The following USP35 variants were observed in gnomAD, a reference collection of about 807,000 sequenced individuals.
The protein encoded by USP35 is ubiquitin carboxyl-terminal hydrolase 35.
In USP35, 69 loss-of-function variants were observed where a neutral mutation model predicts 83.8. The observed-to-expected ratio is 0.82, with a 90% CI of 0.68 to 1.01. The LOEUF (loss-of-function observed/expected upper bound fraction) is 1.01, where lower values mean the gene tolerates loss of function less well. Ranked by LOEUF, USP35 falls within the 50% of genes least tolerant of loss-of-function variation. The pLI is 0.00. For missense variants in USP35, 1,503 were observed against 1,362.5 expected, an observed-to-expected ratio of 1.10 and a Z score of -1.62; for synonymous variants, 714 against 589.5, an observed-to-expected ratio of 1.21 and a Z score of -3.06.
chr11:78,220,506 A>G, the USP35 span: 7 of 1,447,772 alleles, frequency 4.8e-6, no homozygotes, highest in Non-Finnish European at 6.6e-6. Context: ...ACCACCCAGA[A>G]AAACACCTCT....
At chr11:78,207,359 T>G in intron 7 of USP35, 171 bp from the exon 8 acceptor site, 2 of 624,864 alleles carry the variant, frequency 3.2e-6, no homozygotes, top group Non-Finnish European at 5.7e-6. Flanking sequence ...TACCCCAGGC[T>G]GAGTTGTTCA....
At chr11:78,219,145 CTT>C, downstream of USP35, 2 of 902,196 alleles carry the variant, frequency 2.2e-6, no homozygotes, top group South Asian at 3.2e-5. Flanking sequence ...ATGTCAAGTG[CTT>C]TGAAGGCTGA....
chr11:78,215,779 G>A (rs1007558740), downstream of USP35: 9 of 152,278 alleles, frequency 5.9e-5, no homozygotes, highest in Admixed American at 3.9e-4. Flanking sequence ...ACCCCCCACG[G>A]AAGGGCTTTA....
chr11:78,222,431 T>G, the USP35 span, among the ~76,000 whole-genome samples: 1 of 151,790 alleles, frequency 6.6e-6, no homozygotes, highest in Non-Finnish European at 1.5e-5. Context: ...GTAATTATAT[T>G]TTCAGAATCA....
At chr11:78,216,592 G>A (rs1864158642), downstream of USP35, 1 of 149,386 alleles carries the variant, frequency 6.7e-6, no homozygotes, top group Non-Finnish European at 1.5e-5. Flanking sequence ...TAGGGGGCTG[G>A]AAGGAAGCCT....
In USP35 at chr11:78,199,718, T is replaced by A. The variant is rs764308493; in HGVS notation, c.930T>A (p.Ile310=). ...TGATCGAGGTTTCGCTCACCAAAAT[T>A]GAGAAGGTTGGTGCCCCTGTCCTAG... ...SILIEVSLTK[I]EKVFSKLLYP... The change falls in exon 4 of 11, where the codon ATT becomes ATA. Residue 310 remains isoleucine, a synonymous_variant. Transcript: ENST00000529308. The A allele has an allele frequency of 3.7e-6, 6 of 1,614,060 alleles. No individual in the cohort carries two copies. In the Admixed American group the frequency reaches 1.0e-4, roughly 27 times the overall value.
At chr11:78,212,845 T>C (rs1453462891) in intron 10 of USP35, among the ~76,000 whole-genome samples, 1 of 151,988 alleles carries the variant, frequency 6.6e-6, no homozygotes, top group Admixed American at 6.6e-5. Flanking sequence ...ATTAATGCAG[T>C]TAATAAGTGT....
rs1324012272 is a variant in USP35 at position 78,214,352 on chromosome 11, C to CCTTA, written c.*541_*544dup. 2 of 129,488 alleles carry CCTTA rather than the reference C, an allele frequency of 1.5e-5. No individual in the cohort carries two copies. The highest frequency in any genetic ancestry group is 3.1e-5 in the Non-Finnish European group (2 of 64,890). 8.0% of individuals were successfully genotyped at this position (129,488 alleles called of 1,614,324 possible). A position where few individuals can be genotyped will look rare whatever the true frequency, so the allele number is the denominator to read the frequency against. On this transcript the variant is annotated 3_prime_UTR_variant, in exon 11 of 11. Transcript: ENST00000529308. ...GAAGAACAGAGACCGAGACCTGCCC[C>CCTTA]CTTACCAAGCGCCACTGCATGGTTT...
At chr11:78,202,852 G>A (rs1245002200) in intron 6 of USP35, among the ~76,000 whole-genome samples, 2 of 152,192 alleles carry the variant, frequency 1.3e-5, no homozygotes, top group East Asian at 1.9e-4. Flanking sequence ...GGCTGGGTCT[G>A]TCTGTTTCCT....
Position 78,196,200 on chromosome 11 carries a change from T to G in USP35, c.-10-36T>G. The G allele has an allele frequency of 6.5e-7, 1 of 1,545,286 alleles. No homozygotes were observed. The highest frequency in any genetic ancestry group is 1.4e-5 in the African/African-American group (1 of 70,588). On this transcript the variant is annotated intron_variant, in intron 1 of 10. Coordinates refer to ENST00000529308, the MANE Select transcript of USP35 (RefSeq NM_020798.4). The surrounding 1 kb of genome is among the most constrained non-coding windows in gnomAD (Gnocchi z 4.8). ...CACCGGGAACTCTTGAGCCCCGCGG[T>G]TGTCGGGCTGTGACCTCATTCCCTG...
At chr11:78,207,755 C>T (rs992851145) in intron 8 of USP35, 132 bp downstream of exon 8, 28 of 940,624 alleles carry the variant, frequency 3.0e-5, no homozygotes, top group East Asian at 1.6e-4. Context: ...AGCCCCTGGC[C>T]GGGCTGGCAT....
rs117223282 is a variant in USP35 at position 78,208,198 on chromosome 11, T to A, written c.1485+575T>A. ...TCCTGAGGGCAGAGTGCTCAGGACC[T>A]CATCCTCTCTTGAAGGTCCCATCTC... On this transcript the variant is annotated intron_variant, in intron 8 of 10. Coordinates refer to ENST00000529308, the MANE Select transcript of USP35 (RefSeq NM_020798.4). Among the ~76,000 whole-genome samples, 4 of 152,346 alleles carry A rather than the reference T, an allele frequency of 2.6e-5. No individual in the cohort carries two copies. The East Asian group carries it at 7.7e-4, about 29-fold the overall frequency.
the USP35 span, chr11:78,221,718 T>C: frequency 1.2e-6 from 2 of 1,613,720 alleles, no homozygotes; most frequent in Non-Finnish European, 1.7e-6. Context: ...GAGTCTGTGC[T>C]GGTGATGCTC....
chr11:78,190,872 A>T (rs1205061991), intron 1 of USP35, among the ~76,000 whole-genome samples: 1 of 152,234 alleles, frequency 6.6e-6, no homozygotes, highest in Non-Finnish European at 1.5e-5. Context: ...CAATGTCTGC[A>T]GAGTCTCCAC....
the USP35 span, among the ~76,000 whole-genome samples, chr11:78,231,317 TGC>T: frequency 2.1e-5 from 3 of 143,712 alleles, no homozygotes; most frequent in Non-Finnish European, 4.5e-5. Flanking sequence ...TCTCCCTTGG[TGC>T]GCGCGCGCGC....
chr11:78,235,379 CCT>C, the USP35 span, among the ~76,000 whole-genome samples: 1 of 152,048 alleles, frequency 6.6e-6, no homozygotes, highest in Non-Finnish European at 1.5e-5. Context: ...GTCTCGATCT[CCT>C]GACCTTGAGA....
the USP35 span, among the ~76,000 whole-genome samples, chr11:78,227,998 TA>T: frequency 1.3e-5 from 2 of 152,170 alleles, no homozygotes; most frequent in East Asian, 3.9e-4. Flanking sequence ...AGTACATTTT[TA>T]AATTTAGGTT....
At chr11:78,228,189 C>T in the USP35 span, among the ~76,000 whole-genome samples, 3 of 152,228 alleles carry the variant, frequency 2.0e-5, no homozygotes, top group South Asian at 2.1e-4. Flanking sequence ...ACAAGCCCTT[C>T]GTTTCACAAG....
chr11:78,190,750 G>A (rs1862978880), intron 1 of USP35, among the ~76,000 whole-genome samples: 1 of 152,238 alleles, frequency 6.6e-6, no homozygotes, highest in South Asian at 2.1e-4. Flanking sequence ...GAGGGCATGT[G>A]AGCTGGGCAT....
Sources: allele counts gnomAD v4.1 joint callset (sites outside exome capture counted in the v4.1 genomes callset), GRCh38; gene constraint gnomAD v4.1.1; non-coding constraint Gnocchi (gnomAD v3.1); transcripts MANE v1.5; gene names NCBI Gene and HGNC (gene_info 2026-07-23, HGNC 2026-07-21).